The following OR14A2 variants were observed in gnomAD, a reference collection of about 807,000 sequenced individuals.
OR14A2 encodes olfactory receptor family 14 subfamily A member 2, also known as olfactory receptor 14A2.
For missense variants in OR14A2, 237 were observed against 152.9 expected (o/e 1.55, Z -2.90); for synonymous variants, 114 against 58.6 (o/e 1.95, Z -4.32).
At chr1:247,743,881 T>C in the OR14A2 span, among the ~76,000 whole-genome samples, 1 of 152,228 alleles carries the variant, frequency 6.6e-6, no homozygotes, top group South Asian at 2.1e-4. Context: ...TTTATTTTTC[T>C]AACCTCACGA....
chr1:247,727,149 T>G (rs1246581402), upstream of OR14A2, among the ~76,000 whole-genome samples: 1 of 149,630 alleles, frequency 6.7e-6, no homozygotes, highest in Non-Finnish European at 1.5e-5. Context: ...ACGATATTGA[T>G]TCTTCCTACC....
the OR14A2 span, among the ~76,000 whole-genome samples, chr1:247,740,967 C>T: frequency 6.6e-6 from 1 of 152,138 alleles, no homozygotes; most frequent in South Asian, 2.1e-4. Context: ...TTGGCAATAC[C>T]TTTCAAACTC....
the OR14A2 span, among the ~76,000 whole-genome samples, chr1:247,732,147 A>G: frequency 2.0e-5 from 3 of 152,112 alleles, no homozygotes; most frequent in Non-Finnish European, 4.4e-5. Flanking sequence ...AGATGTGGGT[A>G]GAAAGTGTTT....
the OR14A2 span, among the ~76,000 whole-genome samples, chr1:247,744,917 TGGAA>T: frequency 6.6e-6 from 1 of 152,190 alleles, no homozygotes; most frequent in African/African-American, 2.4e-5. The surrounding 1 kb of genome is among the most constrained non-coding windows in gnomAD (Gnocchi z 4.3). Context: ...ACATACATTG[TGGAA>T]CTATAGGGTA....
chr1:247,723,650 C>G (rs1293448254), exon 1 of OR14A2: 1 of 718,502 alleles, frequency 1.4e-6, no homozygotes, highest in South Asian at 1.5e-5. Flanking sequence ...TTCATGATTA[C>G]CTCGTAGTTC....
chr1:247,736,023 G>T, the OR14A2 span, among the ~76,000 whole-genome samples: 1 of 151,362 alleles, frequency 6.6e-6, no homozygotes. Context: ...TGCTTCTATT[G>T]ATCTTACTCG....
chr1:247,731,407 A>G, the OR14A2 span, among the ~76,000 whole-genome samples: 3 of 151,912 alleles, frequency 2.0e-5, no homozygotes, highest in South Asian at 6.2e-4. Context: ...ATTGGTGCTT[A>G]TACTTTGCTT....
At chr1:247,734,279 C>T in the OR14A2 span, among the ~76,000 whole-genome samples, 102 of 152,258 alleles carry the variant, frequency 6.7e-4, no homozygotes, top group Non-Finnish European at 1.3e-3. Flanking sequence ...AAGACAGTGT[C>T]CATCTGCAGC....
chr1:247,747,520 C>T, the OR14A2 span, among the ~76,000 whole-genome samples: 1 of 152,014 alleles, frequency 6.6e-6, no homozygotes, highest in African/African-American at 2.4e-5. Context: ...CGCCACCACG[C>T]CCGGCTAATT....
At chr1:247,738,539 G>T in the OR14A2 span, 1 of 670,174 alleles carries the variant, frequency 1.5e-6, no homozygotes, top group Non-Finnish European at 2.7e-6. Flanking sequence ...AACAAATGAA[G>T]AAACAAATGA....
chr1:247,747,371 T>C, the OR14A2 span, among the ~76,000 whole-genome samples: 1 of 151,526 alleles, frequency 6.6e-6, no homozygotes, highest in Non-Finnish European at 1.5e-5. Flanking sequence ...TTTTTTTTTT[T>C]TTTTTTCTGA....
the OR14A2 span, among the ~76,000 whole-genome samples, chr1:247,731,396 G>C: frequency 6.6e-6 from 1 of 151,894 alleles, no homozygotes; most frequent in South Asian, 2.1e-4. Context: ...CTGCTTTAAA[G>C]ATTGGTGCTT....
chr1:247,733,258 ACG>A, the OR14A2 span, among the ~76,000 whole-genome samples: 1,926 of 152,274 alleles, frequency 0.013, 33 homozygotes, highest in African/African-American at 0.042. Context: ...TGGACTAAAG[ACG>A]AAAAGTGAAT....
chr1:247,738,604 A>G, the OR14A2 span: 7 of 766,090 alleles, frequency 9.1e-6, no homozygotes, highest in South Asian at 5.5e-5. Flanking sequence ...GGGCGCTTAT[A>G]ATTTTGAACT....
the OR14A2 span, among the ~76,000 whole-genome samples, chr1:247,745,563 A>C: frequency 1.3e-5 from 2 of 152,154 alleles, no homozygotes; most frequent in Non-Finnish European, 2.9e-5. Context: ...ATGTAATCAC[A>C]AAAAGAGTTT....
the OR14A2 span, chr1:247,738,874 C>T: frequency 1.3e-6 from 1 of 780,712 alleles, no homozygotes; most frequent in Admixed American, 1.7e-5. Flanking sequence ...GTCGCCTCCA[C>T]TGACTCCATC....
the OR14A2 span, among the ~76,000 whole-genome samples, chr1:247,736,495 A>G: frequency 2.0e-5 from 3 of 152,222 alleles, no homozygotes; most frequent in African/African-American, 4.8e-5. Context: ...CTGTAAAGAA[A>G]AGCACACAGA....
At chr1:247,723,897 C>T (rs747407399) in exon 1 of OR14A2, 18 of 716,850 alleles carry the variant, frequency 2.5e-5, no homozygotes, top group Non-Finnish European at 4.2e-5. Flanking sequence ...GCTTTACGTC[C>T]AGGGTAATGA....
chr1:247,742,952 C>T, the OR14A2 span, among the ~76,000 whole-genome samples: 1 of 152,140 alleles, frequency 6.6e-6, no homozygotes, highest in South Asian at 2.1e-4. Context: ...ACACACGTGA[C>T]TACTGTGTAC....
Sources: gnomAD v4.1 joint callset for allele counts (sites outside exome capture counted in the v4.1 genomes callset) on GRCh38, gnomAD v4.1.1 for gene constraint, Gnocchi (gnomAD v3.1) non-coding constraint, MANE v1.5 for transcripts, NCBI Gene and HGNC (gene_info 2026-07-23, HGNC 2026-07-21) for gene names.